The following PADI1 variants were observed in gnomAD, a reference collection of about 807,000 sequenced individuals.
The protein encoded by PADI1 is protein-arginine deiminase type-1.
PADI1 carries 65 observed loss-of-function variants against 74.8 expected under a neutral mutation model. The ratio of observed to expected loss-of-function variants is 0.87; its 90% CI spans 0.71 to 1.07. The LOEUF is 1.07. PADI1 is among the 50% of genes least tolerant of loss of function. PADI1 has a pLI of 0.00. For synonymous variants in PADI1, 371 were observed against 336.2 expected (o/e 1.10, Z -1.13); for missense variants, 943 against 854.0 (o/e 1.10, Z -1.30).
intron 10 of PADI1, among the ~76,000 whole-genome samples, chr1:17,231,074 G>A (rs2072478300): frequency 6.6e-6 from 1 of 152,066 alleles, no homozygotes; most frequent in South Asian, 2.1e-4. Context: ...CTCTCTTTAG[G>A]TGCCAAATGT....
chr1:17,222,354 G>T lies in PADI1; in HGVS notation c.157G>T (p.Val53Phe). Residue 53 changes from valine (V) to phenylalanine (F), a missense_variant, in exon 2 of 16, where the codon GTC becomes TTC. By Grantham distance (50) the Val-to-Phe change is conservative. Transcript: ENST00000375471. ...SGSSGVEVFMVYNRTRVKEPI... is the reference protein window; with the variant it reads ...SGSSGVEVFMFYNRTRVKEPI... Reference sequence around the variant, plus strand: ...AAGCTCCGGGGTGGAGGTCTTCATGGTCTACAACCGCACACGTGTGAAAGA... The same window carrying T: ...AAGCTCCGGGGTGGAGGTCTTCATGTTCTACAACCGCACACGTGTGAAAGA... The T allele has an allele frequency of 6.2e-7, 1 of 1,613,914 alleles. No homozygotes were observed. Among genetic ancestry groups the T allele is most frequent in the African/African-American group, 1.3e-5 (1 of 74,924 alleles).
chr1:17,233,528 T>C (rs893698090), intron 11 of PADI1, among the ~76,000 whole-genome samples: 3 of 152,042 alleles, frequency 2.0e-5, no homozygotes, highest in African/African-American at 7.2e-5. Context: ...GGAAACAAGG[T>C]ATTTAGGTTT....
At chr1:17,240,018 T>C in intron 14 of PADI1, 1 of 517,932 alleles carries the variant, frequency 1.9e-6, no homozygotes. Flanking sequence ...GGCCCCACGC[T>C]GGGGCAATGA....
At chr1:17,239,506 C>G (rs561277356) in intron 13 of PADI1, 198 bp from the exon 14 acceptor site, 29 of 551,062 alleles carry the variant, frequency 5.3e-5, no homozygotes, top group African/African-American at 3.4e-4. Flanking sequence ...TGAGGGGTTC[C>G]TTATCCATCA....
intron 14 of PADI1, 55 bp from the exon 15 acceptor site, chr1:17,240,580 T>TGGCCA: frequency 6.3e-7 from 1 of 1,592,978 alleles, no homozygotes; most frequent in Non-Finnish European, 8.6e-7. Flanking sequence ...AGTAGGTGCT[T>TGGCCA]GGCCAGTGTT....
intron 11 of PADI1, among the ~76,000 whole-genome samples, chr1:17,236,009 T>C (rs948588003): frequency 2.6e-5 from 4 of 151,862 alleles, no homozygotes; most frequent in Admixed American, 2.6e-4. Flanking sequence ...GGACCTGAGG[T>C]TTGAAAAGGG....
rs145600821 is a variant in PADI1 at position 17,237,102 on chromosome 1, G to A, written c.1314-212G>A. ...GGCTTAAACAAGACACTTACTGCGA[G>A]GACCCTAAGGACAGCACACAGTAGG... On this transcript the variant is annotated intron_variant, in intron 11 of 15. Transcript: ENST00000375471. Among the ~76,000 whole-genome samples the A allele has an allele frequency of 2.4e-3, 368 of 152,346 alleles. 11 individuals carry two copies. Among genetic ancestry groups the A allele is most frequent in the Admixed American group, 0.021 (315 of 15,306 alleles).
In PADI1 at chr1:17,230,574, C is replaced by T. The variant is rs11590783; in HGVS notation, c.1056C>T (p.Asp352=). Residue 352 remains aspartate (D), a splice_region_variant and synonymous_variant, in exon 10 of 16, where the codon GAC becomes GAT. Transcript: ENST00000375471. ...VENRNDRWIQ[D]EMEFGYIEAP... is the part of the protein sequence containing the mutation. Reference sequence around the variant, plus strand: ...CTTTTTCATCTCTCCCCTCCCAGGACGAGATGGAGTTTGGCTACATCGAGG... The same window carrying T: ...CTTTTTCATCTCTCCCCTCCCAGGATGAGATGGAGTTTGGCTACATCGAGG... 1,384 of 1,602,648 alleles carry T rather than the reference C, an allele frequency of 8.6e-4. 14 individuals are homozygous for T. In the African/African-American group the frequency reaches 0.015, roughly 17 times the overall value.
chr1:17,241,535 T>C (rs1036964459), intron 15 of PADI1, among the ~76,000 whole-genome samples: 2 of 128,878 alleles, frequency 1.6e-5, no homozygotes, highest in African/African-American at 6.4e-5. Flanking sequence ...GGGTTGGAAG[T>C]GAATGTCAGA....
chr1:17,240,477 T>TC, intron 14 of PADI1, 158 bp from the exon 15 acceptor site: 1 of 747,346 alleles, frequency 1.3e-6, no homozygotes, highest in Non-Finnish European at 2.1e-6. Context: ...AGCCTCAGTT[T>TC]CCCCCGGACA....
At chr1:17,216,865 G>T (rs933692870) in intron 1 of PADI1, among the ~76,000 whole-genome samples, 1 of 152,010 alleles carries the variant, frequency 6.6e-6, no homozygotes, top group African/African-American at 2.4e-5. Context: ...GCACGACGTT[G>T]TCTCAAAAAA....
At chr1:17,235,303 G>A (rs961819868) in intron 11 of PADI1, among the ~76,000 whole-genome samples, 1 of 151,626 alleles carries the variant, frequency 6.6e-6, no homozygotes, top group Non-Finnish European at 1.5e-5. Flanking sequence ...GGGAAGGAAG[G>A]AAGGAGGCAA....
rs6656786 is a variant in PADI1 at position 17,241,371 on chromosome 1, G to A, written c.1758+611G>A. Reference sequence around the variant, plus strand: ...ATGTTGGGGTGTTGGCAGCTGGCAGGGATGGTCCCCCGGGATGGGGATAGA... The same window carrying A: ...ATGTTGGGGTGTTGGCAGCTGGCAGAGATGGTCCCCCGGGATGGGGATAGA... On this transcript the variant is annotated intron_variant, in intron 15 of 15. Transcript: ENST00000375471. Among the ~76,000 whole-genome samples, 749 of 152,402 alleles carry A rather than the reference G, an allele frequency of 4.9e-3. 8 individuals are homozygous for A. Among genetic ancestry groups the A allele is most frequent in the African/African-American group, 0.017 (715 of 41,610 alleles).
rs546868231 is a variant in PADI1, at chr1:17,237,252, T to A, written c.1314-62T>A. ...CCCTGGTGGCAGATCTGATGATGAC[T>A]CAGGCAAGGCCTGATGCCTCTCAGG... On this transcript the variant is annotated intron_variant, in intron 11 of 15. Coordinates refer to ENST00000375471, the MANE Select transcript of PADI1 (RefSeq NM_013358.3). 3.8e-5 allele frequency: 57 copies of A among 1,515,078 alleles called. No homozygotes were observed. The South Asian group carries it at 7.3e-4, about 19-fold the overall frequency. The allele number at this position is 1,515,078 out of a possible 1,614,324, so 93.9% of individuals were successfully genotyped here.
rs543003304 is a variant in PADI1, at chr1:17,206,790, C to A, written c.92+1481C>A. On this transcript the variant is annotated intron_variant, in intron 1 of 15. Coordinates refer to ENST00000375471, the MANE Select transcript of PADI1 (RefSeq NM_013358.3). ...CAACCTCCACCTCCCGGGTTCAATT[C>A]TCTGCCGCAGCCTCCAGAGTAGCTG... Among the ~76,000 whole-genome samples the A allele has an allele frequency of 5.0e-4, 73 of 146,346 alleles. No homozygotes were observed. The Middle Eastern group carries it at 0.011, about 23-fold the overall frequency.
chr1:17,232,921 G>A lies in PADI1; in HGVS notation c.1264G>A (p.Gly422Ser), dbSNP rs373735719. 79 of 1,612,490 alleles carry A rather than the reference G, an allele frequency of 4.9e-5. No homozygotes were observed. The highest frequency in any genetic ancestry group is 3.1e-4 in the African/African-American group (23 of 75,034). The change falls in exon 11 of 16, where the codon GGC becomes AGC. Residue 422 changes from glycine (G) to serine (S), a missense_variant. Physicochemically the swap from Gly to Ser is moderately conservative, Grantham distance 56. Coordinates refer to ENST00000375471, the MANE Select transcript of PADI1 (RefSeq NM_013358.3). ...LDVSPPVTVG[G>S]TEYPLGRILI... ...CGTCAGCCCGCCCGTCACGGTGGGC[G>A]GCACGGAATACCCCCTGGGCCGGAT...
intron 1 of PADI1, among the ~76,000 whole-genome samples, chr1:17,207,300 C>T (rs766778739): frequency 3.9e-5 from 6 of 152,158 alleles, no homozygotes; most frequent in Non-Finnish European, 7.3e-5. Flanking sequence ...GAGCTGAGTC[C>T]ACTCTGCAGT....
intron 1 of PADI1, among the ~76,000 whole-genome samples, chr1:17,215,777 C>T (rs543916192): frequency 1.3e-5 from 2 of 152,164 alleles, no homozygotes; most frequent in Non-Finnish European, 2.9e-5. Context: ...AGGCACTAAG[C>T]TGGATGCAGA....
Position 17,224,310 on chromosome 1 carries a change from G to A in PADI1, c.347-57G>A, listed in dbSNP as rs902724857. On this transcript the variant is annotated intron_variant, in intron 3 of 15. Coordinates refer to ENST00000375471, the MANE Select transcript of PADI1 (RefSeq NM_013358.3). Reference sequence around the variant, plus strand: ...CAGAGTTTGCCCAACCTGGACTTTAGGGGTGTGAAGATGGGGCTGGATGAG... The same window carrying A: ...CAGAGTTTGCCCAACCTGGACTTTAAGGGTGTGAAGATGGGGCTGGATGAG... The A allele has an allele frequency of 1.1e-5, 16 of 1,487,756 alleles. No individual in the cohort carries two copies. In the African/African-American group the frequency reaches 1.1e-4, roughly 10 times the overall value. 92.2% of individuals were successfully genotyped at this position (1,487,756 alleles called of 1,614,324 possible). A position where few individuals can be genotyped will look rare whatever the true frequency, so the allele number is the denominator to read the frequency against.
Sources: gnomAD v4.1 joint callset for allele counts (sites outside exome capture counted in the v4.1 genomes callset) on GRCh38, gnomAD v4.1.1 for gene constraint, MANE v1.5 for transcripts, NCBI Gene and HGNC (gene_info 2026-07-23, HGNC 2026-07-21) for gene names.